The following PLD5 variants were observed in gnomAD, a reference collection of about 807,000 sequenced individuals.
The protein encoded by PLD5 is phospholipase D family member 5, also known as inactive phospholipase D5.
Under a neutral mutation model 61.1 loss-of-function variants are expected in PLD5, and 36 were observed. The ratio of observed to expected loss-of-function variants is 0.59; its 90% CI spans 0.45 to 0.78. The LOEUF (loss-of-function observed/expected upper bound fraction) is 0.78, where lower values mean the gene tolerates loss of function less well. PLD5 is among the 30% of genes least tolerant of loss of function. PLD5 has a pLI of 0.00. For synonymous variants in PLD5, 243 were observed against 242.8 expected (o/e 1.00, Z -0.01); for missense variants, 515 against 644.4 (o/e 0.80, Z 2.17).
At chr1:242,301,992 G>A (rs1676077907) in intron 2 of PLD5, among the ~76,000 whole-genome samples, 1 of 152,120 alleles carries the variant, frequency 6.6e-6, no homozygotes, top group Non-Finnish European at 1.5e-5. Context: ...TGCTGGCCAG[G>A]CTGGTCTCAA....
intron 5 of PLD5, among the ~76,000 whole-genome samples, chr1:242,188,297 GA>G: frequency 6.6e-6 from 1 of 152,304 alleles, no homozygotes; most frequent in East Asian, 1.9e-4. Context: ...AAGAAGCTAT[GA>G]GGATAGGGGA....
chr1:242,492,446 C>G (rs189404492), intron 1 of PLD5, among the ~76,000 whole-genome samples: 12 of 148,088 alleles, frequency 8.1e-5, no homozygotes, highest in Admixed American at 2.0e-4. Context: ...CGCTTGAGCC[C>G]GGGAGGCAGA....
intron 1 of PLD5, among the ~76,000 whole-genome samples, chr1:242,463,265 A>T (rs962978609): frequency 2.6e-5 from 4 of 152,178 alleles, no homozygotes; most frequent in Non-Finnish European, 4.4e-5. Flanking sequence ...GTCAGTAGAG[A>T]CACTCGCTTG....
chr1:242,449,333 G>A, intron 1 of PLD5: 2 of 1,536,098 alleles, frequency 1.3e-6, no homozygotes, highest in Non-Finnish European at 1.7e-6. Context: ...TAGGTCTGTA[G>A]AAAACTCCAG....
At chr1:242,441,095 C>A (rs1487881079) in intron 1 of PLD5, among the ~76,000 whole-genome samples, 1 of 152,076 alleles carries the variant, frequency 6.6e-6, no homozygotes. Flanking sequence ...TTGAAAAAAT[C>A]AGGACTAGGC....
intron 5 of PLD5, among the ~76,000 whole-genome samples, chr1:242,186,320 T>C (rs550465927): frequency 2.0e-5 from 3 of 152,136 alleles, no homozygotes; most frequent in South Asian, 2.1e-4. Flanking sequence ...GTAGCTGGGA[T>C]TGCAAGTGTC....
chr1:242,297,569 C>G (rs1190425637), intron 2 of PLD5, among the ~76,000 whole-genome samples: 1 of 151,376 alleles, frequency 6.6e-6, no homozygotes, highest in African/African-American at 2.4e-5. Context: ...TCACATCCAG[C>G]TAACCATCAC....
chr1:242,250,495 A>T (rs151040239), intron 4 of PLD5, among the ~76,000 whole-genome samples: 1,711 of 152,216 alleles, frequency 0.011, 33 homozygotes, highest in African/African-American at 0.039. Context: ...CTCTGCTGCC[A>T]TTTGAGTTCC....
chr1:242,262,312 C>A (rs1673421792), intron 4 of PLD5, among the ~76,000 whole-genome samples: 1 of 152,164 alleles, frequency 6.6e-6, no homozygotes, highest in African/African-American at 2.4e-5. Flanking sequence ...GCACTGACTG[C>A]AAGAGGGACT....
intron 1 of PLD5, among the ~76,000 whole-genome samples, chr1:242,485,815 T>C (rs1237098196): frequency 1.1e-4 from 16 of 152,144 alleles, no homozygotes; most frequent in Non-Finnish European, 1.9e-4. Context: ...CTTCAAACTA[T>C]ACTACAAGGC....
intron 1 of PLD5, among the ~76,000 whole-genome samples, chr1:242,382,135 A>AAAC (rs1662323453): frequency 6.6e-6 from 1 of 151,540 alleles, no homozygotes; most frequent in African/African-American, 2.4e-5. Flanking sequence ...CAGCAAAAAA[A>AAAC]AAAACAAAAC....
chr1:242,315,446 G>A (rs367948197), intron 2 of PLD5, among the ~76,000 whole-genome samples: 30 of 152,194 alleles, frequency 2.0e-4, no homozygotes, highest in East Asian at 1.9e-3. Flanking sequence ...TATGCTAGAC[G>A]TTCGGGAAAT....
chr1:242,407,732 C>G (rs573580535), intron 1 of PLD5, among the ~76,000 whole-genome samples: 1 of 152,024 alleles, frequency 6.6e-6, no homozygotes, highest in South Asian at 2.1e-4. Context: ...GTGCGTGCCA[C>G]CACACCTGGC....
chr1:242,417,692 G>A (rs936020014), intron 1 of PLD5, among the ~76,000 whole-genome samples: 8 of 152,340 alleles, frequency 5.3e-5, no homozygotes, highest in East Asian at 1.9e-4. Context: ...CTAAGCCCCC[G>A]TTATGGGGCT....
intron 5 of PLD5, among the ~76,000 whole-genome samples, chr1:242,149,403 C>T (rs1032997869): frequency 3.3e-5 from 5 of 151,690 alleles, no homozygotes; most frequent in East Asian, 1.9e-4. Flanking sequence ...TTGAGAACTT[C>T]CCATCCATGT....
chr1:242,286,699 C>T (rs1675045954), intron 3 of PLD5, among the ~76,000 whole-genome samples: 1 of 152,166 alleles, frequency 6.6e-6, no homozygotes, highest in Admixed American at 6.5e-5. Context: ...CTTCTTTGGA[C>T]TTCGCTCTCT....
chr1:242,481,094 C>T (rs931497797), intron 1 of PLD5, among the ~76,000 whole-genome samples: 6 of 151,986 alleles, frequency 3.9e-5, no homozygotes, highest in South Asian at 2.1e-4. Flanking sequence ...CCAAGATGGC[C>T]GAATAGGAAC....
intron 6 of PLD5, among the ~76,000 whole-genome samples, chr1:242,123,061 A>G (rs1662508543): frequency 6.6e-6 from 1 of 152,228 alleles, no homozygotes; most frequent in Non-Finnish European, 1.5e-5. Context: ...AGTGGATAAG[A>G]TCCTGGGTGG....
intron 4 of PLD5, among the ~76,000 whole-genome samples, chr1:242,226,321 C>A (rs529976989): frequency 1.3e-5 from 2 of 152,222 alleles, no homozygotes; most frequent in African/African-American, 2.4e-5. Context: ...AGGACCATGG[C>A]CTAGTGGCTG....
Sources: allele counts gnomAD v4.1 joint callset (sites outside exome capture counted in the v4.1 genomes callset), GRCh38; gene constraint gnomAD v4.1.1; transcripts MANE v1.5; gene names NCBI Gene and HGNC (gene_info 2026-07-23, HGNC 2026-07-21).